The following MARCHF7 variants were observed in gnomAD, a reference collection of about 807,000 sequenced individuals.
MARCHF7 encodes the protein E3 ubiquitin-protein ligase MARCHF7.
MARCHF7 carries 20 observed loss-of-function variants against 76.5 expected under a neutral mutation model. The observed-to-expected ratio is 0.26, with a 90% CI of 0.18 to 0.38. The LOEUF (loss-of-function observed/expected upper bound fraction) is 0.38. Ranked by LOEUF, MARCHF7 falls within the 10% of genes least tolerant of loss-of-function variation. The pLI, the probability that MARCHF7 is intolerant of heterozygous loss-of-function variation, is 1.00. For synonymous variants in MARCHF7, 295 were observed against 293.0 expected (o/e 1.01, Z -0.07); for missense variants, 797 against 812.9 (o/e 0.98, Z 0.24).
At chr2:159,763,957 A>T (rs1252344690) in intron 10 of MARCHF7, among the ~76,000 whole-genome samples, 2 of 152,218 alleles carry the variant, frequency 1.3e-5, no homozygotes, top group African/African-American at 4.8e-5. Context: ...ACAAATTGTG[A>T]GCCCCTAAAA....
intron 4 of MARCHF7, among the ~76,000 whole-genome samples, chr2:159,731,192 C>T (rs190349068): frequency 5.3e-5 from 8 of 152,244 alleles, no homozygotes; most frequent in East Asian, 1.9e-4. Context: ...TGCACCTGGC[C>T]GACATCTTTT....
At chr2:159,723,701 A>G (rs1405337847) in intron 3 of MARCHF7, among the ~76,000 whole-genome samples, 6 of 152,166 alleles carry the variant, frequency 3.9e-5, no homozygotes, top group Non-Finnish European at 8.8e-5. Flanking sequence ...CTATATTTAC[A>G]TTATTAAGAC....
At chr2:159,764,036 A>G (rs1397313596) in intron 10 of MARCHF7, among the ~76,000 whole-genome samples, 1 of 152,224 alleles carries the variant, frequency 6.6e-6, no homozygotes, top group Non-Finnish European at 1.5e-5. Context: ...CATATAAAAC[A>G]TTTAAGAACT....
intron 4 of MARCHF7, among the ~76,000 whole-genome samples, chr2:159,735,980 A>ATGGTGGTGC (rs1703406155): frequency 6.6e-6 from 1 of 152,118 alleles, no homozygotes; most frequent in Admixed American, 6.5e-5. Context: ...TTTCAAAACT[A>ATGGTGGTGC]ACCTGATATG....
chr2:159,762,737 T>C, intron 9 of MARCHF7, 143 bp from the exon 10 acceptor site: 2 of 395,332 alleles, frequency 5.1e-6, no homozygotes, highest in Non-Finnish European at 9.0e-6. Context: ...TTTTTCTCAA[T>C]AAATGGCATT....
chr2:159,721,895 C>A (rs1429317220), intron 3 of MARCHF7, among the ~76,000 whole-genome samples: 1 of 152,176 alleles, frequency 6.6e-6, no homozygotes, highest in Non-Finnish European at 1.5e-5. Flanking sequence ...CCTACAAAAT[C>A]AGCCCTGGTG....
At position 159,743,111 on chromosome 2, in the gene MARCHF7, T is replaced by C. The variant is rs1427743953; in HGVS notation, c.204T>C (p.Ser68=). The C allele has an allele frequency of 2.5e-6, 4 of 1,614,180 alleles. No individual in the cohort carries two copies. The highest frequency in any genetic ancestry group is 3.4e-6 in the Non-Finnish European group (4 of 1,180,032). Residue 68 remains serine (S), a synonymous_variant, in exon 5 of 12, where the codon AGT becomes AGC. Coordinates refer to ENST00000409175, the MANE Select transcript of MARCHF7 (RefSeq NM_001282805.2). ...CACCATTTCAATCTGCATGGTATAG[T>C]GAATCTGAGATAACTCAGGGAGCAC... ...SASPFQSAWY[S]ESEITQGARS...
intron 8 of MARCHF7, 64 bp from the exon 9 acceptor site, chr2:159,759,162 G>A (rs1358815145): frequency 9.6e-6 from 8 of 834,788 alleles, no homozygotes; most frequent in Middle Eastern, 3.3e-4. Flanking sequence ...AAAACTTAAC[G>A]AGGAAAAGTG....
intron 4 of MARCHF7, among the ~76,000 whole-genome samples, chr2:159,731,801 TA>T (rs1247905471): frequency 6.0e-5 from 9 of 150,690 alleles, no homozygotes; most frequent in Non-Finnish European, 8.9e-5. Context: ...TAGCATTTTT[TA>T]AAAAAAACCA....
chr2:159,758,659 A>C (rs1419399280), intron 8 of MARCHF7, among the ~76,000 whole-genome samples: 2 of 152,226 alleles, frequency 1.3e-5, no homozygotes, highest in Non-Finnish European at 2.9e-5. Context: ...ATGTTGCAGC[A>C]TATATAAAGA....
At chr2:159,715,025 C>T (rs927352421) in intron 2 of MARCHF7, among the ~76,000 whole-genome samples, 4 of 152,186 alleles carry the variant, frequency 2.6e-5, no homozygotes, top group Admixed American at 2.0e-4. Context: ...CTGATACATC[C>T]TTCTGTTACC....
intron 3 of MARCHF7, 125 bp from the exon 4 acceptor site, chr2:159,728,884 T>C (rs1207707706): frequency 2.0e-6 from 1 of 507,748 alleles, no homozygotes; most frequent in Non-Finnish European, 3.3e-6. Flanking sequence ...TTTCACAATT[T>C]ACGTTGTCAG....
chr2:159,723,668 A>G (rs1701871244), intron 3 of MARCHF7, among the ~76,000 whole-genome samples: 1 of 152,178 alleles, frequency 6.6e-6, no homozygotes, highest in African/African-American at 2.4e-5. Context: ...ATCTCACAAT[A>G]TGTAGCAAAT....
rs184347204 is a variant in MARCHF7 at position 159,720,681 on chromosome 2, T to C, written c.-15+4915T>C. Among the ~76,000 whole-genome samples the C allele has an allele frequency of 3.3e-5, 5 of 152,366 alleles. No homozygotes were observed. In the East Asian group the frequency reaches 9.6e-4, roughly 29 times the overall value. On this transcript the variant is annotated intron_variant, in intron 3 of 11. Transcript: ENST00000409175. ...TGTAGAAATAATTTGAAAGTTAGCA[T>C]GAAGGTATATTCCTCTAGCAAGATT...
chr2:159,758,725 CT>C (rs1351737854), intron 8 of MARCHF7, among the ~76,000 whole-genome samples: 1 of 152,132 alleles, frequency 6.6e-6, no homozygotes, highest in Non-Finnish European at 1.5e-5. Flanking sequence ...GGTGGGGTCC[CT>C]TTTTTCCCAT....
intron 4 of MARCHF7, chr2:159,733,702 T>TAA (rs1703100747): frequency 1.0e-6 from 1 of 985,404 alleles, no homozygotes; most frequent in East Asian, 1.1e-4. Context: ...GTTATAGACT[T>TAA]AATATGGGAA....
chr2:159,724,370 A>T lies in MARCHF7; in HGVS notation c.-14-4639A>T, dbSNP rs142429130. Among the ~76,000 whole-genome samples the T allele has an allele frequency of 2.9e-3, 437 of 152,006 alleles. No homozygotes were observed. In the Middle Eastern group the frequency reaches 0.044, roughly 15 times the overall value. On this transcript the variant is annotated intron_variant, in intron 3 of 11. Coordinates refer to ENST00000409175, the MANE Select transcript of MARCHF7 (RefSeq NM_001282805.2). ...GCTTAGTGTTGGTCTTTTTTCTTTG[A>T]TGCTCTTATGTAGTCTTGAGCCCTT...
intron 3 of MARCHF7, among the ~76,000 whole-genome samples, chr2:159,726,239 G>C (rs1451328712): frequency 4.0e-5 from 5 of 125,952 alleles, no homozygotes; most frequent in African/African-American, 1.3e-4. Context: ...GTTTTGTTTT[G>C]TTTTGTTTTG....
chr2:159,730,333 ATTTC>A (rs1372599650), intron 4 of MARCHF7, among the ~76,000 whole-genome samples: 1 of 152,202 alleles, frequency 6.6e-6, no homozygotes, highest in Non-Finnish European at 1.5e-5. Flanking sequence ...TCCTTTGAAA[ATTTC>A]TTTGTGTTAA....
Sources: allele counts gnomAD v4.1 joint callset (sites outside exome capture counted in the v4.1 genomes callset), GRCh38; gene constraint gnomAD v4.1.1; transcripts MANE v1.5; gene names NCBI Gene and HGNC (gene_info 2026-07-23, HGNC 2026-07-21).